The following RIN3 variants were observed in gnomAD, a reference collection of about 807,000 sequenced individuals.
The protein encoded by RIN3 is RAB5 interacting protein 3.
Under a neutral mutation model 76.3 loss-of-function variants are expected in RIN3, and 54 were observed. That is an observed-to-expected ratio of 0.71 (90% confidence interval 0.57 to 0.89). The LOEUF (loss-of-function observed/expected upper bound fraction) is 0.89, where lower values mean the gene tolerates loss of function less well. Among genes scored for constraint, RIN3 ranks in the 40% least tolerant of loss-of-function variants. The pLI is 0.00. For missense variants in RIN3, 1,256 were observed against 1,322.1 expected, an observed-to-expected ratio of 0.95 and a Z score of 0.78; for synonymous variants, 576 against 564.0, an observed-to-expected ratio of 1.02 and a Z score of -0.30.
chr14:92,529,424 A>G (rs983652864), intron 1 of RIN3, among the ~76,000 whole-genome samples: 1 of 151,518 alleles, frequency 6.6e-6, no homozygotes, highest in Non-Finnish European at 1.5e-5. Context: ...AATTTTTTGT[A>G]TTTTTAGTAG....
At chr14:92,527,667 C>T (rs925158549) in intron 1 of RIN3, among the ~76,000 whole-genome samples, 1 of 148,530 alleles carries the variant, frequency 6.7e-6, no homozygotes, top group Non-Finnish European at 1.5e-5. Flanking sequence ...CTTTTGTAGT[C>T]AGGACCTCTT....
chr14:92,538,317 G>A (rs1173849545), intron 1 of RIN3, among the ~76,000 whole-genome samples: 1 of 152,196 alleles, frequency 6.6e-6, no homozygotes, highest in African/African-American at 2.4e-5. Context: ...GTTTGTATGA[G>A]GCTGAACATC....
chr14:92,662,681 A>G (rs1328533358), intron 7 of RIN3, among the ~76,000 whole-genome samples: 4 of 152,200 alleles, frequency 2.6e-5, no homozygotes, highest in African/African-American at 9.6e-5. Context: ...GTCAGAGCCA[A>G]GGGTTTTACA....
At chr14:92,600,966 G>T (rs1885322947) in intron 3 of RIN3, among the ~76,000 whole-genome samples, 1 of 152,222 alleles carries the variant, frequency 6.6e-6, no homozygotes, top group South Asian at 2.1e-4. Context: ...CGGCTCTAGG[G>T]CTGTGCCACC....
At chr14:92,677,676 T>C (rs983005332) in intron 8 of RIN3, among the ~76,000 whole-genome samples, 3 of 151,982 alleles carry the variant, frequency 2.0e-5, no homozygotes, top group African/African-American at 7.3e-5. Context: ...TTCTAGGAAG[T>C]CCAGGAATTC....
At chr14:92,583,257 C>T (rs1473077460) in intron 3 of RIN3, among the ~76,000 whole-genome samples, 2 of 152,224 alleles carry the variant, frequency 1.3e-5, no homozygotes, top group Non-Finnish European at 2.9e-5. Flanking sequence ...CGTGGGGATA[C>T]CCCAAAAGGG....
Position 92,522,319 on chromosome 14 carries a change from G to GGT in RIN3, c.44+8361_44+8362dup, listed in dbSNP as rs58386124. Among the ~76,000 whole-genome samples, 1,336 of 150,094 alleles carry GGT rather than the reference G, an allele frequency of 8.9e-3. 21 individuals are homozygous for GGT. The highest frequency in any genetic ancestry group is 0.029 in the African/African-American group (1,187 of 41,040). On this transcript the variant is annotated intron_variant, in intron 1 of 9. Transcript: ENST00000216487. ...GGGGGGCTCTCACCTGTATGTATGT[G>GGT]GTGTGTGTGTGTGTGTGTGCATGTG...
intron 1 of RIN3, among the ~76,000 whole-genome samples, chr14:92,548,122 A>T (rs775903825): frequency 3.3e-5 from 5 of 152,116 alleles, no homozygotes; most frequent in Non-Finnish European, 7.4e-5. Context: ...TCTGGAAATT[A>T]TTTCTATGTA....
chr14:92,518,789 C>CTGTGTGTGTGTGTGTGTGTGTG lies in RIN3; in HGVS notation c.44+4829_44+4850dup, dbSNP rs61124300. On this transcript the variant is annotated intron_variant, in intron 1 of 9. Coordinates refer to ENST00000216487, the MANE Select transcript of RIN3 (RefSeq NM_024832.5). ...GAGAAACTGGGAAAATAAGGGTGGC[C>CTGTGTGTGTGTGTGTGTGTGTG]TGTGTGTGTGTGTGTGTGTGTGTGT... 5.8e-3 allele frequency among the ~76,000 whole-genome samples: 748 copies of CTGTGTGTGTGTGTGTGTGTGTG among 128,396 alleles called. 17 individuals are homozygous for CTGTGTGTGTGTGTGTGTGTGTG. Among genetic ancestry groups the CTGTGTGTGTGTGTGTGTGTGTG allele is most frequent in the Non-Finnish European group, 7.6e-3 (466 of 61,348 alleles). The allele number at this position is 128,396 out of a possible 152,430, so 84.2% of individuals were successfully genotyped here. A position where few individuals can be genotyped will look rare whatever the true frequency, so the allele number is the denominator to read the frequency against.
intron 5 of RIN3, among the ~76,000 whole-genome samples, chr14:92,649,238 T>C (rs1887316874): frequency 6.6e-6 from 1 of 152,158 alleles, no homozygotes; most frequent in African/African-American, 2.4e-5. Flanking sequence ...CTATATGTTA[T>C]CTACCCCCAT....
rs1291927717 is a variant in RIN3 at position 92,688,229 on chromosome 14, G to A, written c.2935G>A (p.Val979Met). The A allele has an allele frequency of 1.9e-6, 3 of 1,595,506 alleles. No individual in the cohort carries two copies. Among genetic ancestry groups the A allele is most frequent in the Non-Finnish European group, 1.7e-6 (2 of 1,172,464 alleles). The stretch of plus-strand genomic sequence containing the variant: ...CGGCGGGAGCCCGCCCTGCCTGGTG[G>A]TGCGGGAGCCCAACTTCCTGTGAGG... ...GGGGSPPCLV[V>M]REPNFL The change falls in exon 10 of 10, where the codon GTG becomes ATG. Residue 979 changes from valine to methionine, a missense_variant. Physicochemically the swap from Val to Met is conservative, Grantham distance 21. This residue lies in a region of RIN3 where 218 missense variants were observed against 174.5 expected (regional missense o/e 1.25). Coordinates refer to ENST00000216487, the MANE Select transcript of RIN3 (RefSeq NM_024832.5).
intron 4 of RIN3, among the ~76,000 whole-genome samples, chr14:92,632,402 G>A (rs968762595): frequency 3.3e-5 from 5 of 152,188 alleles, no homozygotes; most frequent in Admixed American, 6.5e-5. Context: ...CTTTAGGGAA[G>A]GTATTACCGC....
rs1251005300 is a variant in RIN3 at position 92,577,023 on chromosome 14, A to G, written c.250-337A>G. 6.7e-4 allele frequency among the ~76,000 whole-genome samples: 102 copies of G among 151,602 alleles called. 1 individual carries two copies. Among genetic ancestry groups the G allele is most frequent in the Non-Finnish European group, 8.9e-5 (6 of 67,706 alleles). The stretch of plus-strand genomic sequence containing the variant: ...GAGCCAGCCAATTCCAGCCCCACTT[A>G]CAGAATCAGTGTCTCAGTGGGTGGG... On this transcript the variant is annotated intron_variant, in intron 2 of 9. Transcript: ENST00000216487.
chr14:92,680,200 C>CTTTTTT lies in RIN3; in HGVS notation c.2467+3606_2467+3611dup, dbSNP rs34005662. On this transcript the variant is annotated intron_variant, in intron 8 of 9. Transcript: ENST00000216487. ...GAAGGGACAGGACAGCTCTCTGGCA[C>CTTTTTT]TTTTTTTTTTTTTTTTTGAGACAGA... Among the ~76,000 whole-genome samples, 26 of 134,298 alleles carry CTTTTTT rather than the reference C, an allele frequency of 1.9e-4. 1 individual carries two copies. Among genetic ancestry groups the CTTTTTT allele is most frequent in the African/African-American group, 7.3e-4 (26 of 35,450 alleles). 88.1% of individuals were successfully genotyped at this position (134,298 alleles called of 152,430 possible).
intron 1 of RIN3, among the ~76,000 whole-genome samples, chr14:92,547,437 C>G (rs1188632332): frequency 1.4e-5 from 2 of 148,042 alleles, no homozygotes; most frequent in Non-Finnish European, 3.0e-5. Flanking sequence ...CTCTGTCACC[C>G]AGGCTGGAGT....
intron 1 of RIN3, among the ~76,000 whole-genome samples, chr14:92,531,765 C>A (rs1896885102): frequency 6.6e-6 from 1 of 152,108 alleles, no homozygotes; most frequent in African/African-American, 2.4e-5. Context: ...CTGGCAGTGC[C>A]CGTGGAAGGG....
In RIN3 at chr14:92,685,288, C is replaced by A; in HGVS notation, c.2631+138C>A. On this transcript the variant is annotated intron_variant, in intron 9 of 9. Transcript: ENST00000216487. The surrounding 1 kb of genome is among the most constrained non-coding windows in gnomAD (Gnocchi z 4.7). ...GCCTTAGGGGAGCAGTGAGACTCCC[C>A]ACACCAGAGGAAGGGCCCCCAGCCC... is the stretch of plus-strand genomic sequence containing the variant. 1.1e-6 allele frequency: 1 copy of A among 898,358 alleles called. No homozygotes were observed. Among genetic ancestry groups the A allele is most frequent in the Non-Finnish European group, 1.6e-6 (1 of 606,546 alleles). The allele number at this position is 898,358 out of a possible 1,614,324, so 55.6% of individuals were successfully genotyped here.
chr14:92,647,926 C>CTTCT (rs1819393664), intron 5 of RIN3, among the ~76,000 whole-genome samples: 1 of 152,118 alleles, frequency 6.6e-6, no homozygotes, highest in Admixed American at 6.5e-5. Context: ...AGGATGGGCC[C>CTTCT]TTCTTTAGGG....
intron 7 of RIN3, among the ~76,000 whole-genome samples, chr14:92,667,516 C>CA (rs113465136): frequency 0.028 from 3,559 of 129,166 alleles, 105 homozygotes; most frequent in African/African-American, 0.087. Flanking sequence ...GACTCCGTCT[C>CA]AAAAAAAAAA....
Sources: gnomAD v4.1 joint callset for allele counts (sites outside exome capture counted in the v4.1 genomes callset) on GRCh38, gnomAD v4.1.1 for gene constraint, gnomAD v4.1.1 regional missense constraint, Gnocchi (gnomAD v3.1) non-coding constraint, MANE v1.5 for transcripts, NCBI Gene and HGNC (gene_info 2026-07-23, HGNC 2026-07-21) for gene names.